The following MCPH1 variants were observed in gnomAD, a reference collection of about 807,000 sequenced individuals.
MCPH1 encodes the protein microcephalin.
A neutral mutation model predicts 84.5 loss-of-function variants in MCPH1; 104 were observed. That is an observed-to-expected ratio of 1.23 (90% CI 1.05 to 1.45). The LOEUF is 1.45. Among genes scored for constraint, MCPH1 ranks in the 40% most tolerant of loss-of-function variants. The pLI is 0.00. For missense variants in MCPH1, 1,498 were observed against 1,005.7 expected (o/e 1.49, Z -6.62); for synonymous variants, 514 against 366.8 (o/e 1.40, Z -4.58).
intron 3 of MCPH1, among the ~76,000 whole-genome samples, chr8:6,415,147 G>T (rs1275705033): frequency 6.6e-6 from 1 of 151,992 alleles, no homozygotes; most frequent in African/African-American, 2.4e-5. Context: ...GAAGCAAGAG[G>T]GAATGTGATG....
intron 9 of MCPH1, among the ~76,000 whole-genome samples, chr8:6,465,256 A>G (rs562254270): frequency 5.3e-5 from 8 of 152,268 alleles, no homozygotes; most frequent in African/African-American, 1.9e-4. Flanking sequence ...TTTTATTTTA[A>G]AAGGGAGTAA....
intron 3 of MCPH1, among the ~76,000 whole-genome samples, chr8:6,416,997 AGAGT>A (rs1309290168): frequency 6.6e-6 from 1 of 151,746 alleles, no homozygotes; most frequent in Non-Finnish European, 1.5e-5. Context: ...AAAAAAAAAA[AGAGT>A]AAGGGGTCCT....
chr8:6,545,382 T>C (rs994205889), intron 12 of MCPH1, among the ~76,000 whole-genome samples: 7 of 152,218 alleles, frequency 4.6e-5, no homozygotes, highest in Admixed American at 3.3e-4. Flanking sequence ...CTAAAAGACA[T>C]TTAGAAATGA....
intron 12 of MCPH1, 43 bp from the exon 13 acceptor site, chr8:6,621,411 G>C (rs200968934): frequency 2.9e-4 from 471 of 1,610,670 alleles, no homozygotes; most frequent in Admixed American, 4.0e-4. Context: ...ATGGAGACTG[G>C]AGTGGTCCCA....
chr8:6,521,306 T>G (rs1263367689), intron 12 of MCPH1: 1 of 1,613,738 alleles, frequency 6.2e-7, no homozygotes, highest in African/African-American at 1.3e-5. Context: ...AATGATGGAA[T>G]TTTGCTTGGA....
chr8:6,481,230 T>C (rs1809199022), intron 11 of MCPH1, among the ~76,000 whole-genome samples: 1 of 152,084 alleles, frequency 6.6e-6, no homozygotes, highest in Admixed American at 6.5e-5. Flanking sequence ...TTGTGAGCTG[T>C]GGTGGTGGTG....
chr8:6,473,806 C>G, intron 9 of MCPH1: 1 of 1,169,196 alleles, frequency 8.6e-7, no homozygotes, highest in Non-Finnish European at 1.2e-6. Flanking sequence ...AGAGAGATAT[C>G]AGCAAGAGTG....
At chr8:6,509,152 C>A in intron 12 of MCPH1, 1 of 1,516,422 alleles carries the variant, frequency 6.6e-7, no homozygotes, top group Non-Finnish European at 8.9e-7. Context: ...TTCCATTCTA[C>A]AGAAGCGTGT....
chr8:6,630,613 C>G (rs775733426), intron 13 of MCPH1, among the ~76,000 whole-genome samples: 9 of 152,072 alleles, frequency 5.9e-5, no homozygotes, highest in Admixed American at 1.3e-4. Context: ...GAAACCCTGT[C>G]TTTACTAAAA....
intron 12 of MCPH1, chr8:6,562,866 C>T (rs147566463): frequency 5.0e-6 from 8 of 1,612,506 alleles, no homozygotes; most frequent in Admixed American, 3.3e-5. Context: ...CCATGCTCTT[C>T]CGAAAGTTGT....
chr8:6,438,894 C>T (rs1803065967), intron 5 of MCPH1, 59 bp from the exon 6 acceptor site: 1 of 1,528,212 alleles, frequency 6.5e-7, no homozygotes, highest in African/African-American at 1.4e-5. Context: ...AAAGGAATCA[C>T]ATTCCTGAAG....
chr8:6,454,450 G>A (rs1280431062), intron 8 of MCPH1, among the ~76,000 whole-genome samples: 2 of 152,208 alleles, frequency 1.3e-5, no homozygotes, highest in Non-Finnish European at 2.9e-5. Context: ...AAGTCATAAA[G>A]TAGGCAAACT....
At chr8:6,549,973 T>C (rs1289972186) in intron 12 of MCPH1, among the ~76,000 whole-genome samples, 1 of 152,186 alleles carries the variant, frequency 6.6e-6, no homozygotes, top group Non-Finnish European at 1.5e-5. Flanking sequence ...GCTAGATCCA[T>C]GAAAAGGTTG....
chr8:6,573,724 T>C (rs2129576598), intron 12 of MCPH1, among the ~76,000 whole-genome samples: 1 of 152,258 alleles, frequency 6.6e-6, no homozygotes, highest in Admixed American at 6.5e-5. Context: ...TCTACCCCAG[T>C]GTCAGGGAAG....
At chr8:6,562,534 A>C in intron 12 of MCPH1, 7 of 706,240 alleles carry the variant, frequency 9.9e-6, no homozygotes, top group Non-Finnish European at 1.2e-5. Context: ...TCCAGCTCTA[A>C]TCCTCTTCAT....
At chr8:6,604,580 C>G (rs1372123378) in intron 12 of MCPH1, among the ~76,000 whole-genome samples, 1 of 152,264 alleles carries the variant, frequency 6.6e-6, no homozygotes, top group East Asian at 1.9e-4. Context: ...ACTCGGCTCA[C>G]TGCAATCTCT....
intron 12 of MCPH1, among the ~76,000 whole-genome samples, chr8:6,541,664 C>T (rs1247087434): frequency 6.6e-6 from 1 of 152,116 alleles, no homozygotes; most frequent in African/African-American, 2.4e-5. Context: ...GATGTTTTCC[C>T]TACAGAGATA....
intron 3 of MCPH1, among the ~76,000 whole-genome samples, chr8:6,420,022 A>G (rs935857030): frequency 4.7e-5 from 7 of 149,944 alleles, no homozygotes; most frequent in Admixed American, 2.7e-4. Context: ...GCTGTCTTGC[A>G]TAGTTTCTTT....
At chr8:6,536,858 T>G (rs1563086131) in intron 12 of MCPH1, among the ~76,000 whole-genome samples, 1 of 152,118 alleles carries the variant, frequency 6.6e-6, no homozygotes, top group African/African-American at 2.4e-5. Context: ...TCCTAGAATG[T>G]CTTTCTGTTT....
Sources: gnomAD v4.1 joint callset for allele counts (sites outside exome capture counted in the v4.1 genomes callset) on GRCh38, gnomAD v4.1.1 for gene constraint, MANE v1.5 for transcripts, NCBI Gene and HGNC (gene_info 2026-07-23, HGNC 2026-07-21) for gene names.